The following AGAP1 variants were observed in gnomAD, a reference collection of about 807,000 sequenced individuals.
AGAP1 encodes ArfGAP with GTPase domain, ankyrin repeat and PH domain 1.
In AGAP1, 29 loss-of-function variants were observed where a neutral mutation model predicts 105.3. That is an observed-to-expected ratio of 0.28 (90% CI 0.21 to 0.38). The LOEUF (loss-of-function observed/expected upper bound fraction) is 0.38. AGAP1 is among the 10% of genes least tolerant of loss of function. The probability of loss-of-function intolerance (pLI) is 1.00; values close to 1 mark genes in which losing one functional copy is unlikely to be tolerated. For synonymous variants in AGAP1, 509 were observed against 485.9 expected, an observed-to-expected ratio of 1.05 and a Z score of -0.63; for missense variants, 998 against 1,165.1, an observed-to-expected ratio of 0.86 and a Z score of 2.09.
At position 235,757,692 on chromosome 2, in the gene AGAP1, A is replaced by G. The variant is rs149708984; in HGVS notation, c.673+7204A>G. On this transcript the variant is annotated intron_variant, in intron 6 of 17. Transcript: ENST00000304032. ...AGCCCGAGCTGGGAGAGGTTGCATG[A>G]TTTTTACCAAGGTTGTGCGGGAAGT... 8.1e-4 allele frequency among the ~76,000 whole-genome samples: 123 copies of G among 152,092 alleles called. 2 individuals are homozygous for G. The East Asian group carries it at 0.019, about 24-fold the overall frequency.
In AGAP1 at chr2:236,047,598, C is replaced by CTTTTTTTTTTTTTTT. The variant is rs59007077; in HGVS notation, c.1892-1453_1892-1439dup. ...GTCACAGACCTCTCTTCTCACATTT[C>CTTTTTTTTTTTTTTT]TTTTTTTTTTTTTTTTTTTTTTGAG... On this transcript the variant is annotated intron_variant, in intron 15 of 17. Coordinates refer to ENST00000304032, the MANE Select transcript of AGAP1 (RefSeq NM_001037131.3). Among the ~76,000 whole-genome samples the CTTTTTTTTTTTTTTT allele has an allele frequency of 1.8e-3, 124 of 68,286 alleles. 8 individuals are homozygous for CTTTTTTTTTTTTTTT. The highest frequency in any genetic ancestry group is 9.5e-3 in the East Asian group (16 of 1,684). The allele number at this position is 68,286 out of a possible 152,430, so 44.8% of individuals were successfully genotyped here.
intron 1 of AGAP1, among the ~76,000 whole-genome samples, chr2:235,653,699 A>G (rs887398835): frequency 2.6e-5 from 4 of 152,206 alleles, no homozygotes; most frequent in Non-Finnish European, 5.9e-5. Context: ...CTCAGAGCAT[A>G]AACAAAATTG....
intron 1 of AGAP1, among the ~76,000 whole-genome samples, chr2:235,649,499 G>A (rs966682969): frequency 2.0e-4 from 30 of 152,060 alleles, no homozygotes; most frequent in African/African-American, 3.9e-4. Flanking sequence ...CCAGCCTTCC[G>A]AATAACTGAG....
chr2:235,531,891 C>T (rs1283545923), intron 1 of AGAP1, among the ~76,000 whole-genome samples: 4 of 152,034 alleles, frequency 2.6e-5, no homozygotes, highest in South Asian at 2.1e-4. Flanking sequence ...GGATTACAGA[C>T]GTGAACCCCT....
intron 9 of AGAP1, among the ~76,000 whole-genome samples, chr2:235,871,313 G>C (rs759479906): frequency 6.6e-6 from 1 of 152,140 alleles, no homozygotes; most frequent in Non-Finnish European, 1.5e-5. Context: ...CTCTCCTCCC[G>C]TATTTAACAG....
chr2:235,899,164 T>C (rs757079783), intron 10 of AGAP1, among the ~76,000 whole-genome samples: 7 of 152,174 alleles, frequency 4.6e-5, no homozygotes, highest in African/African-American at 7.2e-5. Context: ...GAAGACATGA[T>C]GTAGCAATCG....
chr2:235,949,577 T>C (rs1016986678), intron 12 of AGAP1, among the ~76,000 whole-genome samples: 3 of 149,140 alleles, frequency 2.0e-5, no homozygotes, highest in Non-Finnish European at 4.5e-5. Context: ...CTGTGTAGAT[T>C]TGCCGCTTTG....
chr2:236,029,822 T>G (rs1240628273), intron 13 of AGAP1, among the ~76,000 whole-genome samples: 2 of 152,132 alleles, frequency 1.3e-5, no homozygotes, highest in Admixed American at 1.3e-4. Context: ...CACTGCAGCC[T>G]CCATCTCCCA....
chr2:236,040,208 G>A lies in AGAP1; in HGVS notation c.1801-543G>A, dbSNP rs1222109317. 6.6e-6 allele frequency among the ~76,000 whole-genome samples: 1 copy of A among 152,118 alleles called. No homozygotes were observed. Among genetic ancestry groups the A allele is most frequent in the African/African-American group, 2.4e-5 (1 of 41,418 alleles). ...CCCAGCTATACTCGTGTTTCTCCCT[G>A]CCCCCACCCTGGCGAGTGGCTTTGT... On this transcript the variant is annotated intron_variant, in intron 14 of 17. Transcript: ENST00000304032. The surrounding 1 kb of genome is among the most constrained non-coding windows in gnomAD (Gnocchi z 5.6).
chr2:236,103,406 G>T (rs938457737), intron 16 of AGAP1, among the ~76,000 whole-genome samples: 1 of 152,052 alleles, frequency 6.6e-6, no homozygotes, highest in African/African-American at 2.4e-5. Flanking sequence ...CACAGCCTGT[G>T]CAGTCTGACC....
At chr2:235,826,916 C>T (rs1214271117) in intron 9 of AGAP1, among the ~76,000 whole-genome samples, 3 of 152,146 alleles carry the variant, frequency 2.0e-5, no homozygotes, top group Admixed American at 1.3e-4. Context: ...TCTCCTTCCT[C>T]CTATTGTTCA....
At chr2:235,534,725 G>T (rs903945640) in intron 1 of AGAP1, among the ~76,000 whole-genome samples, 1 of 152,176 alleles carries the variant, frequency 6.6e-6, no homozygotes, top group Non-Finnish European at 1.5e-5. Flanking sequence ...TCAGGGACAC[G>T]GGGATAGTGG....
At chr2:235,581,047 AC>A (rs1418754615) in intron 1 of AGAP1, among the ~76,000 whole-genome samples, 4 of 150,724 alleles carry the variant, frequency 2.7e-5, no homozygotes, top group African/African-American at 9.8e-5. Flanking sequence ...AGAAACAGAG[AC>A]TGCTTTGGGA....
chr2:235,835,608 C>T (rs974110180), intron 9 of AGAP1, among the ~76,000 whole-genome samples: 5 of 152,144 alleles, frequency 3.3e-5, no homozygotes, highest in African/African-American at 9.7e-5. Flanking sequence ...TAAGCTTTTC[C>T]GAGGAGGACA....
Position 236,129,401 on chromosome 2 carries a change from A to T in AGAP1, c.*5279A>T, listed in dbSNP as rs2060053056. 1 of 152,258 alleles carries T rather than the reference A, an allele frequency of 6.6e-6. No individual in the cohort carries two copies. The highest frequency in any genetic ancestry group is 6.5e-5 in the Admixed American group (1 of 15,284). 9.4% of individuals were successfully genotyped at this position (152,258 alleles called of 1,614,324 possible). On this transcript the variant is annotated 3_prime_UTR_variant, in exon 18 of 18. Coordinates refer to ENST00000304032, the MANE Select transcript of AGAP1 (RefSeq NM_001037131.3). This position sits in a 1 kb window ranked among gnomAD's most constrained non-coding sequence, Gnocchi z 6.2. The stretch of plus-strand genomic sequence containing the variant: ...TTCCTCCCATTATGCAGGAGAGAGA[A>T]GGGGCGCAGGTGTATCTCCTTAGAG...
At position 236,128,905 on chromosome 2, in the gene AGAP1, T is replaced by C. The variant is rs2060046426; in HGVS notation, c.*4783T>C. On this transcript the variant is annotated 3_prime_UTR_variant, in exon 18 of 18. Transcript: ENST00000304032. This position sits in a 1 kb window ranked among gnomAD's most constrained non-coding sequence, Gnocchi z 5.9. Reference sequence around the variant, plus strand: ...AGACTTTTCTAGAACTCCCCGGGGTTGTATTTATGGCCTTCAAGCAAACAA... The same window carrying C: ...AGACTTTTCTAGAACTCCCCGGGGTCGTATTTATGGCCTTCAAGCAAACAA... 6.6e-6 allele frequency: 1 copy of C among 152,160 alleles called. No individual in the cohort carries two copies. The highest frequency in any genetic ancestry group is 6.5e-5 in the Admixed American group (1 of 15,276). 9.4% of individuals were successfully genotyped at this position (152,160 alleles called of 1,614,324 possible).
At position 235,793,271 on chromosome 2, in the gene AGAP1, G is replaced by C. The variant is rs1309698290; in HGVS notation, c.674-4488G>C. 6.6e-6 allele frequency among the ~76,000 whole-genome samples: 1 copy of C among 152,172 alleles called. No homozygotes were observed. The highest frequency in any genetic ancestry group is 1.5e-5 in the Non-Finnish European group (1 of 68,034). ...GAAGGCCTGGCTGGGAATGGGGCGT[G>C]GCACACGGTGTAATCCGGGCAGCCT... On this transcript the variant is annotated intron_variant, in intron 6 of 17. Transcript: ENST00000304032. This position sits in a 1 kb window ranked among gnomAD's most constrained non-coding sequence, Gnocchi z 5.3.
In AGAP1 at chr2:235,952,330, G is replaced by T. The variant is rs188609808; in HGVS notation, c.1484-16132G>T. On this transcript the variant is annotated intron_variant, in intron 12 of 17. Coordinates refer to ENST00000304032, the MANE Select transcript of AGAP1 (RefSeq NM_001037131.3). Reference sequence around the variant, plus strand: ...GAAAAATATTTTCTTTTCAGTGTCTGTCAAAGAAGTTATAACATAGGTTTT... The same window carrying T: ...GAAAAATATTTTCTTTTCAGTGTCTTTCAAAGAAGTTATAACATAGGTTTT... 6.6e-5 allele frequency among the ~76,000 whole-genome samples: 10 copies of T among 152,002 alleles called. No individual in the cohort carries two copies. In the East Asian group the frequency reaches 1.9e-3, roughly 29 times the overall value.
chr2:235,821,382 A>ATTT (rs200107062), intron 9 of AGAP1, among the ~76,000 whole-genome samples: 16 of 133,818 alleles, frequency 1.2e-4, no homozygotes, highest in Admixed American at 2.3e-4. Context: ...CAGAACTTCA[A>ATTT]TTTTTTTTTT....
Sources: gnomAD v4.1 joint callset for allele counts (sites outside exome capture counted in the v4.1 genomes callset) on GRCh38, gnomAD v4.1.1 for gene constraint, Gnocchi (gnomAD v3.1) non-coding constraint, MANE v1.5 for transcripts, NCBI Gene and HGNC (gene_info 2026-07-23, HGNC 2026-07-21) for gene names.